GALNTL6: variants seen among roughly 807,000 people sequenced by gnomAD.
The protein encoded by GALNTL6 is polypeptide N-acetylgalactosaminyltransferase-like 6.
In GALNTL6, 46 loss-of-function variants were observed where a neutral mutation model predicts 73.7. The observed-to-expected ratio is 0.62, with a 90% CI of 0.49 to 0.80. The LOEUF is 0.80. GALNTL6 is among the 30% of genes least tolerant of loss of function. The probability of loss-of-function intolerance (pLI) is 0.00; values close to 1 mark genes in which losing one functional copy is unlikely to be tolerated. For synonymous variants in GALNTL6, 259 were observed against 263.7 expected (o/e 0.98, Z 0.17); for missense variants, 604 against 755.0 (o/e 0.80, Z 2.34).
chr4:172,365,748 A>G (rs990265005), intron 5 of GALNTL6, among the ~76,000 whole-genome samples: 16 of 152,182 alleles, frequency 1.1e-4, no homozygotes, highest in African/African-American at 3.9e-4. Context: ...GCGAGCCTCT[A>G]AGTTTTAACT....
intron 2 of GALNTL6, among the ~76,000 whole-genome samples, chr4:172,006,783 G>C (rs751907815): frequency 6.6e-6 from 1 of 151,426 alleles, no homozygotes; most frequent in East Asian, 1.9e-4. Context: ...AGTTCATCAC[G>C]GCATACATGA....
At chr4:171,941,474 G>T (rs1355113826) in intron 2 of GALNTL6, among the ~76,000 whole-genome samples, 1 of 152,192 alleles carries the variant, frequency 6.6e-6, no homozygotes, top group African/African-American at 2.4e-5. Context: ...TGTATAGGAA[G>T]AAAATTCTTC....
chr4:172,271,431 G>A (rs1738646287), intron 3 of GALNTL6, among the ~76,000 whole-genome samples: 1 of 151,902 alleles, frequency 6.6e-6, no homozygotes, highest in Non-Finnish European at 1.5e-5. Flanking sequence ...ATACAAACAT[G>A]CATACATATA....
At chr4:172,480,143 T>A (rs1350724845) in intron 5 of GALNTL6, among the ~76,000 whole-genome samples, 1 of 152,030 alleles carries the variant, frequency 6.6e-6, no homozygotes, top group Non-Finnish European at 1.5e-5. Flanking sequence ...CTCTACAAAA[T>A]GTTTTTTTTT....
intron 5 of GALNTL6, among the ~76,000 whole-genome samples, chr4:172,500,727 CG>C (rs1561113241): frequency 1.3e-5 from 2 of 150,594 alleles, no homozygotes; most frequent in Non-Finnish European, 2.9e-5. Context: ...TAACTTAAGA[CG>C]GCTTGGAACT....
At chr4:172,954,690 A>T (rs1749625540) in intron 10 of GALNTL6, among the ~76,000 whole-genome samples, 1 of 151,238 alleles carries the variant, frequency 6.6e-6, no homozygotes, top group Admixed American at 6.6e-5. Flanking sequence ...CTGATCTTGA[A>T]CTCCTGGCCT....
chr4:171,947,793 T>C (rs946005834), intron 2 of GALNTL6, among the ~76,000 whole-genome samples: 55 of 152,130 alleles, frequency 3.6e-4, no homozygotes, highest in African/African-American at 1.3e-3. Flanking sequence ...CAGCCTAATA[T>C]GTACTGGAGT....
At chr4:172,799,150 A>C (rs1740456958) in intron 5 of GALNTL6, among the ~76,000 whole-genome samples, 1 of 152,222 alleles carries the variant, frequency 6.6e-6, no homozygotes, top group African/African-American at 2.4e-5. Context: ...AGATCTCAAT[A>C]GTCACTAGAT....
intron 3 of GALNTL6, among the ~76,000 whole-genome samples, chr4:172,230,150 G>A (rs1025127533): frequency 2.0e-5 from 3 of 152,172 alleles, no homozygotes; most frequent in African/African-American, 4.8e-5. Flanking sequence ...TATTTAATTT[G>A]TACCAATGTT....
rs565757474 is a variant in GALNTL6 at position 172,595,944 on chromosome 4, A to G, written c.554-213417A>G. Among the ~76,000 whole-genome samples the G allele has an allele frequency of 3.0e-4, 46 of 152,250 alleles. No homozygotes were observed. In the South Asian group the frequency reaches 9.1e-3, roughly 30 times the overall value. On this transcript the variant is annotated intron_variant, in intron 5 of 12. Transcript: ENST00000506823. ...GTACAGTTGCAGATCAAATAATTTT[A>G]GGACCTATACTTGAAAAATAAGCAT...
rs573739548 is a variant in GALNTL6, at chr4:172,481,419, C to T, written c.553+132730C>T. 1.0e-3 allele frequency among the ~76,000 whole-genome samples: 138 copies of T among 136,502 alleles called. 1 individual carries two copies. Among genetic ancestry groups the T allele is most frequent in the Middle Eastern group, 4.3e-3 (1 of 232 alleles). 89.6% of individuals were successfully genotyped at this position (136,502 alleles called of 152,430 possible). ...AAAGCTTCCACAGTGTGGAAGGGGA[C>T]CAGGGTTGTCTCTGTGGGCTTGGGC... On this transcript the variant is annotated intron_variant, in intron 5 of 12. Transcript: ENST00000506823.
chr4:171,848,680 A>T (rs1735439771), intron 2 of GALNTL6, among the ~76,000 whole-genome samples: 1 of 152,210 alleles, frequency 6.6e-6, no homozygotes, highest in African/African-American at 2.4e-5. Context: ...TTTAAACCTC[A>T]TGAACCAACC....
intron 2 of GALNTL6, among the ~76,000 whole-genome samples, chr4:172,172,138 A>G (rs953029991): frequency 6.6e-6 from 1 of 152,304 alleles, no homozygotes; most frequent in Middle Eastern, 3.4e-3. Flanking sequence ...GGGTGAGGTC[A>G]TGTGGATGGA....
At chr4:172,193,033 C>T (rs924403360) in intron 2 of GALNTL6, among the ~76,000 whole-genome samples, 2 of 152,192 alleles carry the variant, frequency 1.3e-5, no homozygotes, top group Non-Finnish European at 2.9e-5. Flanking sequence ...GAATGAAGCA[C>T]CTGGGTGGAG....
chr4:172,951,261 C>T (rs1373883542), intron 9 of GALNTL6, among the ~76,000 whole-genome samples: 1 of 152,178 alleles, frequency 6.6e-6, no homozygotes, highest in African/African-American at 2.4e-5. Context: ...CTACTGTTGC[C>T]ATTTTCAGGT....
At chr4:172,479,246 C>A (rs1323728342) in intron 5 of GALNTL6, among the ~76,000 whole-genome samples, 1 of 152,014 alleles carries the variant, frequency 6.6e-6, no homozygotes, top group African/African-American at 2.4e-5. Flanking sequence ...TTCACAATTG[C>A]ACATATATGG....
chr4:172,800,945 A>C (rs1351207899), intron 5 of GALNTL6, among the ~76,000 whole-genome samples: 1 of 152,192 alleles, frequency 6.6e-6, no homozygotes, highest in African/African-American at 2.4e-5. Flanking sequence ...ATTATAAACT[A>C]TAAATTCTAC....
chr4:172,849,502 G>A (rs185868975), intron 7 of GALNTL6, among the ~76,000 whole-genome samples: 1 of 152,148 alleles, frequency 6.6e-6, no homozygotes, highest in African/African-American at 2.4e-5. Flanking sequence ...ATGAATGAAT[G>A]AATGGGAGAG....
At chr4:172,601,004 C>T (rs993671904) in intron 5 of GALNTL6, among the ~76,000 whole-genome samples, 2 of 151,486 alleles carry the variant, frequency 1.3e-5, no homozygotes, top group Admixed American at 1.3e-4. Flanking sequence ...GGAACAAAAC[C>T]AGAAATGATT....
Sources: allele counts gnomAD v4.1 joint callset (sites outside exome capture counted in the v4.1 genomes callset), GRCh38; gene constraint gnomAD v4.1.1; transcripts MANE v1.5; gene names NCBI Gene and HGNC (gene_info 2026-07-23, HGNC 2026-07-21).